Variants in NLRP5 observed in about 807,000 individuals in gnomAD.
NLRP5 encodes NACHT, LRR and PYD domains-containing protein 5.
NLRP5 carries 93 observed loss-of-function variants against 113.1 expected under a neutral mutation model. The observed-to-expected ratio is 0.82, with a 90% CI of 0.70 to 0.98. The LOEUF (loss-of-function observed/expected upper bound fraction) is 0.98. Among genes scored for constraint, NLRP5 ranks in the 50% least tolerant of loss-of-function variants. NLRP5 has a pLI of 0.00. For missense variants in NLRP5, 1,808 were observed against 1,514.3 expected, an observed-to-expected ratio of 1.19 and a Z score of -3.22; for synonymous variants, 751 against 600.7, an observed-to-expected ratio of 1.25 and a Z score of -3.66.
intron 13 of NLRP5, among the ~76,000 whole-genome samples, chr19:56,054,604 A>G (rs1427671403): frequency 1.3e-5 from 2 of 151,072 alleles, no homozygotes; most frequent in Non-Finnish European, 2.9e-5. Context: ...ACGTTCCACC[A>G]CATGGATGAG....
the NLRP5 span, among the ~76,000 whole-genome samples, chr19:55,990,765 CAGTG>C: frequency 3.3e-5 from 5 of 152,126 alleles, no homozygotes; most frequent in African/African-American, 7.2e-5. Flanking sequence ...GCGGAGCTGG[CAGTG>C]AGCCGAGATG....
chr19:56,015,519 G>C (rs549232182), intron 3 of NLRP5, among the ~76,000 whole-genome samples: 6 of 152,250 alleles, frequency 3.9e-5, no homozygotes, highest in African/African-American at 1.4e-4. Context: ...TTTGTTTACT[G>C]CCAGTGTATA....
At chr19:56,006,205 C>T (rs958746121) in intron 2 of NLRP5, among the ~76,000 whole-genome samples, 2 of 151,950 alleles carry the variant, frequency 1.3e-5, no homozygotes, top group African/African-American at 2.4e-5. Flanking sequence ...TGTTGTCACT[C>T]ATAGGTGGGA....
At chr19:56,021,106 GT>G (rs1982599924) in intron 6 of NLRP5, among the ~76,000 whole-genome samples, 4 of 152,102 alleles carry the variant, frequency 2.6e-5, no homozygotes, top group South Asian at 2.1e-4. Context: ...TCCTGATCTC[GT>G]GATCTGCCCA....
intron 3 of NLRP5, among the ~76,000 whole-genome samples, chr19:56,010,422 G>A (rs946588858): frequency 3.9e-5 from 6 of 152,018 alleles, no homozygotes; most frequent in South Asian, 4.1e-4. Flanking sequence ...GGCCTTCGTC[G>A]TTGCTCCTGA....
At chr19:55,991,116 T>G in the NLRP5 span, among the ~76,000 whole-genome samples, 1 of 152,218 alleles carries the variant, frequency 6.6e-6, no homozygotes, top group Non-Finnish European at 1.5e-5. Flanking sequence ...AAGATTTGTT[T>G]GTTTTTCTGG....
At chr19:56,017,361 T>C (rs1477032531) in intron 4 of NLRP5, among the ~76,000 whole-genome samples, 1 of 147,776 alleles carries the variant, frequency 6.8e-6, no homozygotes, top group Admixed American at 6.8e-5. Flanking sequence ...GGGGGTTCTT[T>C]CCTACTTTAA....
At chr19:55,997,252 T>G (rs917224851), upstream of NLRP5, among the ~76,000 whole-genome samples, 3 of 152,142 alleles carry the variant, frequency 2.0e-5, no homozygotes, top group African/African-American at 7.2e-5. Flanking sequence ...GATCGTGTGG[T>G]TTTTGTCCTT....
At chr19:56,002,800 CTTT>C (rs1356237583) in intron 1 of NLRP5, among the ~76,000 whole-genome samples, 2 of 151,798 alleles carry the variant, frequency 1.3e-5, no homozygotes, top group African/African-American at 2.4e-5. Context: ...TGAACTCATC[CTTT>C]TTTATGGCTG....
Position 56,053,631 on chromosome 19 carries a change from C to A in NLRP5, c.3129-7C>A, listed in dbSNP as rs1287197280. ...GGCAGACTCTCTCTATTCCCCGCCT[C>A]TTGCAGGTTGGTAAAGTGTCATCTC... On this transcript the variant is annotated splice_polypyrimidine_tract_variant and splice_region_variant and intron_variant, in intron 12 of 14. Coordinates refer to ENST00000390649, the MANE Select transcript of NLRP5 (RefSeq NM_153447.4). The A allele has an allele frequency of 6.2e-7, 1 of 1,611,688 alleles. No homozygotes were observed. The highest frequency in any genetic ancestry group is 8.5e-7 in the Non-Finnish European group (1 of 1,178,488).
intron 4 of NLRP5, 148 bp from the exon 5 acceptor site, chr19:56,019,194 A>C (rs1982521955): frequency 1.2e-6 from 1 of 822,164 alleles, no homozygotes. Flanking sequence ...GTACCAGTGC[A>C]CTCTGTCTTC....
rs1311539576 is a variant in NLRP5, at chr19:55,999,792, A to G, written c.62+5A>G. On this transcript the variant is annotated splice_donor_5th_base_variant and intron_variant, in intron 1 of 14. Coordinates refer to ENST00000390649, the MANE Select transcript of NLRP5 (RefSeq NM_153447.4). ...GCTCTCAGCATCACCACGTGCGTCGACAGCCTCTTAGAGTTACCTATGAGG... is the reference window on the plus strand; with the variant it reads ...GCTCTCAGCATCACCACGTGCGTCGGCAGCCTCTTAGAGTTACCTATGAGG... The G allele has an allele frequency of 6.2e-7, 1 of 1,612,210 alleles. No individual in the cohort carries two copies. Among genetic ancestry groups the G allele is most frequent in the Non-Finnish European group, 8.5e-7 (1 of 1,178,410 alleles).
intron 7 of NLRP5, among the ~76,000 whole-genome samples, chr19:56,030,701 T>C (rs1983063921): frequency 7.8e-6 from 1 of 128,146 alleles, no homozygotes; most frequent in Admixed American, 9.0e-5. Flanking sequence ...TTACATTCAT[T>C]CGCTTTCTTC....
chr19:56,041,558 C>G (rs1281765169), intron 11 of NLRP5, among the ~76,000 whole-genome samples: 1 of 152,194 alleles, frequency 6.6e-6, no homozygotes, highest in Non-Finnish European at 1.5e-5. Context: ...TCGTGCCTGA[C>G]AAAGCCTATC....
At chr19:56,054,407 A>T (rs1037081864) in intron 13 of NLRP5, among the ~76,000 whole-genome samples, 2 of 151,956 alleles carry the variant, frequency 1.3e-5, no homozygotes, top group African/African-American at 4.8e-5. Context: ...AAAATACAAA[A>T]ATTAGCCAGG....
At chr19:56,036,675 G>T (rs892705958) in intron 9 of NLRP5, among the ~76,000 whole-genome samples, 7 of 152,138 alleles carry the variant, frequency 4.6e-5, no homozygotes, top group Admixed American at 3.3e-4. Flanking sequence ...ATTCAACACA[G>T]ACCAGGCACA....
intron 2 of NLRP5, among the ~76,000 whole-genome samples, chr19:56,006,809 G>T (rs55708322): frequency 6.6e-6 from 1 of 151,588 alleles, no homozygotes; most frequent in Non-Finnish European, 1.5e-5. Flanking sequence ...GCGCAATCTC[G>T]GCTCACCGCA....
In NLRP5 at chr19:56,032,695, C is replaced by T. The variant is rs943292725; in HGVS notation, c.2361C>T (p.Asp787=). ...CCCACCCACACCTGCGGCAGCTGGA[C>T]CTGGGCAGCAGCATCCTGACAGAGC... is the stretch of plus-strand genomic sequence containing the variant. Residue 787 remains aspartate, a synonymous_variant, in exon 8 of 15, where the codon GAC becomes GAT. Transcript: ENST00000390649. 4 of 1,613,570 alleles carry T rather than the reference C, an allele frequency of 2.5e-6. No homozygotes were observed. The Admixed American group carries it at 5.0e-5, about 20-fold the overall frequency.
intron 11 of NLRP5, among the ~76,000 whole-genome samples, chr19:56,048,269 G>T (rs1983800808): frequency 6.6e-6 from 1 of 152,152 alleles, no homozygotes; most frequent in South Asian, 2.1e-4. Flanking sequence ...TGTTGCCTGT[G>T]TACCTTGGGT....
Sources: allele counts gnomAD v4.1 joint callset (sites outside exome capture counted in the v4.1 genomes callset), GRCh38; gene constraint gnomAD v4.1.1; transcripts MANE v1.5; gene names NCBI Gene and HGNC (gene_info 2026-07-23, HGNC 2026-07-21).